Variants in FBXO15 observed in about 807,000 individuals in gnomAD.
FBXO15 encodes F-box protein 15.
In FBXO15, 30 loss-of-function variants were observed where a neutral mutation model predicts 49.5. The ratio of observed to expected loss-of-function variants is 0.61; its 90% CI spans 0.45 to 0.82. FBXO15 has a LOEUF of 0.82. FBXO15 is among the 40% of genes least tolerant of loss of function. The pLI is 0.00. For missense variants in FBXO15, 591 were observed against 631.5 expected (o/e 0.94, Z 0.69); for synonymous variants, 250 against 232.7 (o/e 1.07, Z -0.68).
rs192388271 is a variant in FBXO15 at position 74,110,470 on chromosome 18, G to A, written c.1138+12898C>T. ...ATGCTCAATTAAAACTACAAAATGC[G>A]GAAAAAGCATAGAATACATAAACAG... is the stretch of plus-strand genomic sequence containing the variant. On this transcript the variant is annotated intron_variant, in intron 8 of 9. Transcript: ENST00000419743. 1.4e-4 allele frequency among the ~76,000 whole-genome samples: 21 copies of A among 151,336 alleles called. No individual in the cohort carries two copies. In the South Asian group the frequency reaches 2.1e-3, roughly 15 times the overall value.
chr18:74,076,273 C>A (rs988762140), intron 9 of FBXO15: 1 of 152,260 alleles, frequency 6.6e-6, no homozygotes, highest in African/African-American at 2.4e-5. Context: ...AATGTTTGTG[C>A]GTCCCAAAAT....
In FBXO15 at chr18:74,073,659, C is replaced by T. The variant is rs768425172; in HGVS notation, c.1335G>A (p.Val445=). 1.2e-6 allele frequency: 2 copies of T among 1,614,190 alleles called. No homozygotes were observed. The highest frequency in any genetic ancestry group is 1.6e-4 in the Middle Eastern group (1 of 6,062). Residue 445 remains valine, a synonymous_variant, in exon 10 of 10, where the codon GTG becomes GTA. Transcript: ENST00000419743. The stretch of plus-strand genomic sequence containing the variant: ...AGGGTGTGGCAGGCGATCTCAGGCA[C>T]ACCGGGGAACTGAAACACCAAAAGG... ...GKPFWCFSSP[V]CLRSPATPSD...
At chr18:74,078,362 A>G (rs1367167393) in intron 9 of FBXO15, 1 of 135,184 alleles carries the variant, frequency 7.4e-6, no homozygotes, top group Non-Finnish European at 1.6e-5. Flanking sequence ...AGCCTTTCCA[A>G]TGCCCCCCAG....
intron 9 of FBXO15, among the ~76,000 whole-genome samples, chr18:74,077,192 T>A (rs764907471): frequency 2.8e-4 from 43 of 152,264 alleles, no homozygotes; most frequent in South Asian, 1.0e-3. Context: ...ACACAGTCAC[T>A]GAAGCTCAAC....
intron 8 of FBXO15, among the ~76,000 whole-genome samples, chr18:74,083,951 A>T (rs969830517): frequency 3.9e-5 from 6 of 152,226 alleles, no homozygotes; most frequent in African/African-American, 1.2e-4. Flanking sequence ...TGGGTAATAT[A>T]ATTTTCTGAA....
intron 8 of FBXO15, among the ~76,000 whole-genome samples, chr18:74,117,757 T>C (rs1336474237): frequency 1.3e-5 from 2 of 152,158 alleles, no homozygotes; most frequent in African/African-American, 4.8e-5. Flanking sequence ...TGCTCAAAAA[T>C]TTTCCCTATT....
In FBXO15 at chr18:74,147,700, G is replaced by C. The variant is rs898910492; in HGVS notation, c.86C>G (p.Ala29Gly). Residue 29 changes from alanine to glycine, a missense_variant, in exon 1 of 10, where the codon GCC (alanine) becomes GGC (glycine). Coordinates refer to ENST00000419743, the MANE Select transcript of FBXO15 (RefSeq NM_001142958.2). Reference sequence around the variant, plus strand: ...CCCAAAGGCCCTGGCGCGCCCCCGGGCCGCGCCACCGCCCCTGCTGGGCCC... The same window carrying C: ...CCCAAAGGCCCTGGCGCGCCCCCGGCCCGCGCCACCGCCCCTGCTGGGCCC... ...LRGPSRGGGA[A>G]RGRARAFGCR... The C allele has an allele frequency of 6.6e-7, 1 of 1,520,238 alleles. No individual in the cohort carries two copies. Among genetic ancestry groups the C allele is most frequent in the African/African-American group, 1.4e-5 (1 of 70,896 alleles). The allele number at this position is 1,520,238 out of a possible 1,614,324, so 94.2% of individuals were successfully genotyped here. A position where few individuals can be genotyped will look rare whatever the true frequency, so the allele number is the denominator to read the frequency against.
At position 74,126,017 on chromosome 18, in the gene FBXO15, C is replaced by A; in HGVS notation, c.870G>T (p.Arg290=). Residue 290 remains arginine (R), a synonymous_variant, in exon 6 of 10, where the codon CGG becomes CGT. Coordinates refer to ENST00000419743, the MANE Select transcript of FBXO15 (RefSeq NM_001142958.2). ...GGAGGCCAGGGTGCAGGCAGAAGAT[C>A]CGAATGAGTCTGTCACAGCCAATCA... ...STMIGCDRLI[R]IFCLHPGLLV... 1 of 1,614,052 alleles carries A rather than the reference C, an allele frequency of 6.2e-7. No individual in the cohort carries two copies.
At chr18:74,106,437 G>A (rs1311104158) in intron 8 of FBXO15, among the ~76,000 whole-genome samples, 1 of 152,038 alleles carries the variant, frequency 6.6e-6, no homozygotes, top group East Asian at 1.9e-4. Context: ...GGAACCAATT[G>A]AACATGAATA....
At chr18:74,085,594 A>G (rs1912703331) in intron 8 of FBXO15, among the ~76,000 whole-genome samples, 1 of 152,220 alleles carries the variant, frequency 6.6e-6, no homozygotes, top group Non-Finnish European at 1.5e-5. Flanking sequence ...CTCCGTCTCA[A>G]AACAACAAAA....
intron 8 of FBXO15, among the ~76,000 whole-genome samples, chr18:74,110,163 G>GAATA: frequency 9.8e-6 from 1 of 101,804 alleles, no homozygotes; most frequent in African/African-American, 3.7e-5. Context: ...ACATATGTGT[G>GAATA]CATATATATA....
At chr18:74,090,344 CA>C (rs907520076) in intron 8 of FBXO15, among the ~76,000 whole-genome samples, 48 of 151,428 alleles carry the variant, frequency 3.2e-4, no homozygotes, top group Non-Finnish European at 5.5e-4. Flanking sequence ...TTAATTTTTT[CA>C]AAAAAACAAC....
intron 6 of FBXO15, among the ~76,000 whole-genome samples, chr18:74,125,436 C>A (rs1914666129): frequency 6.6e-6 from 1 of 152,184 alleles, no homozygotes. Flanking sequence ...GATTTGTGAA[C>A]TACTATCTTA....
At chr18:74,100,171 A>C (rs1568164150) in intron 8 of FBXO15, 1 of 152,196 alleles carries the variant, frequency 6.6e-6, no homozygotes, top group African/African-American at 2.4e-5. Context: ...TAAGCCACAA[A>C]ACAAGTCTCA....
At chr18:74,121,301 T>C (rs183716572) in intron 8 of FBXO15, among the ~76,000 whole-genome samples, 41 of 152,314 alleles carry the variant, frequency 2.7e-4, no homozygotes, top group African/African-American at 8.7e-4. Context: ...CAATTCATTC[T>C]ATGAGACCAA....
intron 2 of FBXO15, among the ~76,000 whole-genome samples, chr18:74,138,850 T>C (rs1283955961): frequency 6.6e-6 from 1 of 152,212 alleles, no homozygotes; most frequent in Non-Finnish European, 1.5e-5. Flanking sequence ...AATTCATAAA[T>C]GAATCATGTC....
At chr18:74,108,996 G>C (rs531441244) in intron 8 of FBXO15, among the ~76,000 whole-genome samples, 76 of 152,192 alleles carry the variant, frequency 5.0e-4, no homozygotes, top group Non-Finnish European at 8.8e-4. Flanking sequence ...GGGAAATAAA[G>C]GTTTTCTTAG....
chr18:74,120,734 C>T (rs1914432742), intron 8 of FBXO15, among the ~76,000 whole-genome samples: 1 of 151,910 alleles, frequency 6.6e-6, no homozygotes, highest in Non-Finnish European at 1.5e-5. Flanking sequence ...GTTCTCAAAT[C>T]AATAATTTCC....
chr18:74,074,319 A>C lies in FBXO15; in HGVS notation c.1264-589T>G, dbSNP rs1241014685. On this transcript the variant is annotated intron_variant, in intron 9 of 9. Transcript: ENST00000419743. This position sits in a 1 kb window ranked among gnomAD's most constrained non-coding sequence, Gnocchi z 4.7. ...GCCCTGCTGTCTGCCTCTCCCTCTC[A>C]CTCTCTCCCAAGTCTTCCAAGTCTC... 6.6e-6 allele frequency among the ~76,000 whole-genome samples: 1 copy of C among 150,818 alleles called. No individual in the cohort carries two copies. Among genetic ancestry groups the C allele is most frequent in the Non-Finnish European group, 1.5e-5 (1 of 67,640 alleles).
Sources: gnomAD v4.1 joint callset for allele counts (sites outside exome capture counted in the v4.1 genomes callset) on GRCh38, gnomAD v4.1.1 for gene constraint, Gnocchi (gnomAD v3.1) non-coding constraint, MANE v1.5 for transcripts, NCBI Gene and HGNC (gene_info 2026-07-23, HGNC 2026-07-21) for gene names.